Variants in SLC2A10 observed in about 807,000 individuals in gnomAD.
SLC2A10 encodes the protein solute carrier family 2 member 10.
In SLC2A10, 25 loss-of-function variants were observed where a neutral mutation model predicts 32.1. The ratio of observed to expected loss-of-function variants is 0.78; its 90% CI spans 0.57 to 1.09. The LOEUF is 1.09. Ranked by LOEUF, SLC2A10 falls within the 50% of genes least tolerant of loss-of-function variation. SLC2A10 has a pLI of 0.00. For missense variants in SLC2A10, 673 were observed against 686.5 expected (o/e 0.98, Z 0.22); for synonymous variants, 332 against 309.6 (o/e 1.07, Z -0.76).
intron 4 of SLC2A10, among the ~76,000 whole-genome samples, chr20:46,732,661 G>A (rs1257756685): frequency 6.6e-6 from 1 of 151,762 alleles, no homozygotes; most frequent in African/African-American, 2.4e-5. Flanking sequence ...CAACAAGCAC[G>A]GTGATATTTT....
chr20:46,734,762 C>T lies in SLC2A10; in HGVS notation c.*928C>T, dbSNP rs996395033. ...GTACCAGGTCATTCTTAAGATTTCTCCTGACTCCAGTGAGCTGGAATTCTA... is the reference window on the plus strand; with the variant it reads ...GTACCAGGTCATTCTTAAGATTTCTTCTGACTCCAGTGAGCTGGAATTCTA... On this transcript the variant is annotated 3_prime_UTR_variant, in exon 5 of 5. Transcript: ENST00000359271. The T allele has an allele frequency of 1.3e-5, 2 of 152,648 alleles. No homozygotes were observed. The highest frequency in any genetic ancestry group is 2.9e-5 in the Non-Finnish European group (2 of 68,070). The allele number at this position is 152,648 out of a possible 1,614,324, so 9.5% of individuals were successfully genotyped here. A position where few individuals can be genotyped will look rare whatever the true frequency, so the allele number is the denominator to read the frequency against.
intron 3 of SLC2A10, among the ~76,000 whole-genome samples, 158 bp downstream of exon 3, chr20:46,727,144 C>A (rs1980019789): frequency 6.6e-6 from 1 of 150,722 alleles, no homozygotes. Context: ...CCCTCATATG[C>A]ACTGTAAAAC....
At chr20:46,716,812 C>A (rs942631491) in intron 1 of SLC2A10, among the ~76,000 whole-genome samples, 4 of 152,018 alleles carry the variant, frequency 2.6e-5, no homozygotes. Flanking sequence ...CACCAGAGGT[C>A]AGGAGTTCGA....
At position 46,730,106 on chromosome 20, in the gene SLC2A10, G is replaced by C. The variant is rs73295917; in HGVS notation, c.1547+618G>C. 3.3e-3 allele frequency among the ~76,000 whole-genome samples: 501 copies of C among 152,320 alleles called. 6 individuals carry two copies. Among genetic ancestry groups the C allele is most frequent in the African/African-American group, 0.011 (475 of 41,556 alleles). On this transcript the variant is annotated intron_variant, in intron 4 of 4. Coordinates refer to ENST00000359271, the MANE Select transcript of SLC2A10 (RefSeq NM_030777.4). ...AATCTTAAAACCATAAACTATCTTA[G>C]AGTCACAGGACCTTGGAGTAGCAAA... is the stretch of plus-strand genomic sequence containing the variant.
At chr20:46,718,183 C>T (rs1838036321) in intron 1 of SLC2A10, among the ~76,000 whole-genome samples, 1 of 151,938 alleles carries the variant, frequency 6.6e-6, no homozygotes, top group African/African-American at 2.4e-5. Context: ...GGTGCCACTG[C>T]ACTCCAGCCT....
At chr20:46,728,784 ATTT>A (rs1227213564) in intron 3 of SLC2A10, among the ~76,000 whole-genome samples, 1 of 151,040 alleles carries the variant, frequency 6.6e-6, no homozygotes, top group Non-Finnish European at 1.5e-5. Flanking sequence ...TGCCCAGCTA[ATTT>A]TTTTATTTTT....
intron 3 of SLC2A10, 28 bp downstream of exon 3, chr20:46,727,014 T>A: frequency 6.2e-7 from 1 of 1,614,212 alleles, no homozygotes; most frequent in Non-Finnish European, 8.5e-7. Context: ...AAGTCCGTTT[T>A]TTTTCTGTGG....
intron 1 of SLC2A10, among the ~76,000 whole-genome samples, chr20:46,710,621 G>T (rs1244248757): frequency 6.6e-6 from 1 of 152,178 alleles, no homozygotes; most frequent in Non-Finnish European, 1.5e-5. Context: ...CCTCAGAAGC[G>T]GGTCTTGCTG....
rs150398871 is a variant in SLC2A10, at chr20:46,729,387, C to T, written c.1446C>T (p.Tyr482=). 2.1e-5 allele frequency: 34 copies of T among 1,613,864 alleles called. No homozygotes were observed. The highest frequency in any genetic ancestry group is 2.5e-5 in the Non-Finnish European group (29 of 1,180,004). The stretch of plus-strand genomic sequence containing the variant: ...GCTTGTCCTGGACCTTCCTGCTCTA[C>T]GGACTGACCGCTGTCCTCGGCCTGG... The part of the protein sequence containing the change: ...TIGLSWTFLL[Y]GLTAVLGLGF... The change falls in exon 4 of 5, where the codon TAC becomes TAT. Residue 482 remains tyrosine, a synonymous_variant. Transcript: ENST00000359271.
chr20:46,726,954 T>A lies in SLC2A10; in HGVS notation c.1379T>A (p.Leu460His). The change falls in exon 3 of 5, where the codon CTC (leucine) becomes CAC (histidine). Residue 460 changes from leucine (L) to histidine (H), a missense_variant. By Grantham distance (99) the Leu-to-His change is moderately conservative (BLOSUM62 -3). Transcript: ENST00000359271. ...FCNSFNWAANLFISLSFLDLI... is the reference protein window; with the variant it reads ...FCNSFNWAANHFISLSFLDLI... ...AACAGCTTCAACTGGGCGGCCAACC[T>A]CTTCATCAGCCTCTCCTTCCTCGAT... is the stretch of plus-strand genomic sequence containing the variant. 6.2e-7 allele frequency: 1 copy of A among 1,614,210 alleles called. No homozygotes were observed. Among genetic ancestry groups the A allele is most frequent in the Non-Finnish European group, 8.5e-7 (1 of 1,180,032 alleles).
intron 3 of SLC2A10, among the ~76,000 whole-genome samples, chr20:46,728,704 A>G (rs1600671137): frequency 7.1e-6 from 1 of 141,660 alleles, no homozygotes; most frequent in African/African-American, 2.7e-5. Context: ...TGCAGCCTTG[A>G]CCTCCGGGGC....
intron 1 of SLC2A10, among the ~76,000 whole-genome samples, chr20:46,721,717 C>T (rs1600663429): frequency 6.6e-6 from 1 of 152,182 alleles, no homozygotes; most frequent in African/African-American, 2.4e-5. Context: ...GTTTCATTTT[C>T]ATAAAGGCCT....
chr20:46,729,207 A>G lies in SLC2A10; in HGVS notation c.1412-146A>G, dbSNP rs983899322. Reference sequence around the variant, plus strand: ...CTTTAAGGTACTTCACTGACAGCTTATTGGTCACTCTGCAAATTGACCAAC... The same window carrying G: ...CTTTAAGGTACTTCACTGACAGCTTGTTGGTCACTCTGCAAATTGACCAAC... On this transcript the variant is annotated intron_variant, in intron 3 of 4. Transcript: ENST00000359271. The G allele has an allele frequency of 1.6e-5, 16 of 970,840 alleles. No individual in the cohort carries two copies. In the Admixed American group the frequency reaches 2.1e-4, roughly 13 times the overall value. The allele number at this position is 970,840 out of a possible 1,614,324, so 60.1% of individuals were successfully genotyped here.
chr20:46,723,352 C>T (rs1481877812), intron 1 of SLC2A10, among the ~76,000 whole-genome samples: 3 of 151,934 alleles, frequency 2.0e-5, no homozygotes, highest in African/African-American at 7.3e-5. Context: ...CAATGTCCCA[C>T]CAAAAAAACT....
At chr20:46,729,523 C>A in intron 4 of SLC2A10, 35 bp downstream of exon 4, 1 of 1,607,970 alleles carries the variant, frequency 6.2e-7, no homozygotes, top group Non-Finnish European at 8.5e-7. Context: ...GGGGGAAGAG[C>A]TGTAGCACAC....
At chr20:46,712,487 G>A (rs1419629448) in intron 1 of SLC2A10, among the ~76,000 whole-genome samples, 1 of 152,058 alleles carries the variant, frequency 6.6e-6, no homozygotes, top group Non-Finnish European at 1.5e-5. Flanking sequence ...GAGGATTAAG[G>A]GATTTCCTCC....
intron 3 of SLC2A10, among the ~76,000 whole-genome samples, chr20:46,728,261 G>A (rs915902209): frequency 6.6e-6 from 1 of 152,158 alleles, no homozygotes; most frequent in African/African-American, 2.4e-5. Flanking sequence ...CCCTGCTGGC[G>A]ATAGGTCCAG....
chr20:46,721,226 A>T (rs1376619337), intron 1 of SLC2A10, among the ~76,000 whole-genome samples: 1 of 152,252 alleles, frequency 6.6e-6, no homozygotes. Flanking sequence ...ACATAAAGGC[A>T]TAACACCAGG....
intron 3 of SLC2A10, among the ~76,000 whole-genome samples, chr20:46,728,100 AAGGG>A (rs1190568633): frequency 2.6e-5 from 4 of 152,096 alleles, no homozygotes; most frequent in South Asian, 2.1e-4. Context: ...GGGAGGAAGG[AAGGG>A]AGGGAGGGAG....
Sources: gnomAD v4.1 joint callset for allele counts (sites outside exome capture counted in the v4.1 genomes callset) on GRCh38, gnomAD v4.1.1 for gene constraint, MANE v1.5 for transcripts, NCBI Gene and HGNC (gene_info 2026-07-23, HGNC 2026-07-21) for gene names.